PLCB1: variants seen among roughly 807,000 people sequenced by gnomAD.
PLCB1 encodes phospholipase C beta 1, also known as 1-phosphatidylinositol 4,5-bisphosphate phosphodiesterase beta-1.
PLCB1 carries 46 observed loss-of-function variants against 161.8 expected under a neutral mutation model. That is an observed-to-expected ratio of 0.28 (90% CI 0.22 to 0.36). The LOEUF (loss-of-function observed/expected upper bound fraction) is 0.36, where lower values mean the gene tolerates loss of function less well. PLCB1 is among the 10% of genes least tolerant of loss of function. The probability of loss-of-function intolerance (pLI) is 1.00; values close to 1 mark genes in which losing one functional copy is unlikely to be tolerated. For missense variants in PLCB1, 1,016 were observed against 1,472.5 expected (o/e 0.69, Z 5.07); for synonymous variants, 517 against 503.7 (o/e 1.03, Z -0.35).
At chr20:8,816,660 A>G (rs1985099845) in intron 31 of PLCB1, among the ~76,000 whole-genome samples, 1 of 152,254 alleles carries the variant, frequency 6.6e-6, no homozygotes, top group Non-Finnish European at 1.5e-5. Flanking sequence ...ATTTCTGGAC[A>G]TCTACATACC....
intron 31 of PLCB1, among the ~76,000 whole-genome samples, chr20:8,876,683 A>G (rs1987791683): frequency 1.3e-5 from 2 of 152,202 alleles, no homozygotes; most frequent in South Asian, 2.1e-4. Context: ...AGGCTTGTTC[A>G]TGCCTGTGTT....
At chr20:8,621,336 G>A (rs926852145) in intron 3 of PLCB1, among the ~76,000 whole-genome samples, 3 of 151,960 alleles carry the variant, frequency 2.0e-5, no homozygotes, top group Admixed American at 6.5e-5. Context: ...AAGACTGGGG[G>A]GATAGTTTAA....
intron 31 of PLCB1, among the ~76,000 whole-genome samples, chr20:8,832,897 G>C (rs6516411): frequency 0.29 from 43,962 of 152,090 alleles, 6,519 homozygotes; most frequent in Middle Eastern, 0.41. Context: ...CCTCATGTCG[G>C]CAGCTGGACA....
chr20:8,391,701 G>A (rs974612361), intron 3 of PLCB1, among the ~76,000 whole-genome samples: 1 of 147,758 alleles, frequency 6.8e-6, no homozygotes, highest in Non-Finnish European at 1.5e-5. Flanking sequence ...CTTCCCTATG[G>A]GCCTTAAGTT....
At chr20:8,615,677 A>T (rs13043653) in intron 3 of PLCB1, among the ~76,000 whole-genome samples, 111 of 152,304 alleles carry the variant, frequency 7.3e-4, no homozygotes, top group Non-Finnish European at 1.3e-3. Context: ...AAATTTCAGA[A>T]TTAAAGAACA....
chr20:8,149,072 T>TA (rs2051483053), intron 1 of PLCB1, among the ~76,000 whole-genome samples: 1 of 152,194 alleles, frequency 6.6e-6, no homozygotes, highest in African/African-American at 2.4e-5. Flanking sequence ...AATGTTATGT[T>TA]CTGTATATTT....
In PLCB1 at chr20:8,729,269, C is replaced by A; in HGVS notation, c.1888+95C>A. 6 of 1,152,992 alleles carry A rather than the reference C, an allele frequency of 5.2e-6. No individual in the cohort carries two copies. The Middle Eastern group carries it at 1.1e-3, about 204-fold the overall frequency. 71.4% of individuals were successfully genotyped at this position (1,152,992 alleles called of 1,614,324 possible). On this transcript the variant is annotated intron_variant, in intron 18 of 31. Transcript: ENST00000338037. ...AATTGGGGGAGAGAAAATTGCCAGACTTCACTGAAAAAATAAATAAAAGCA... is the reference window on the plus strand; with the variant it reads ...AATTGGGGGAGAGAAAATTGCCAGAATTCACTGAAAAAATAAATAAAAGCA...
chr20:8,679,468 T>C (rs1990163310), intron 9 of PLCB1, among the ~76,000 whole-genome samples: 2 of 152,160 alleles, frequency 1.3e-5, no homozygotes, highest in Admixed American at 6.5e-5. Flanking sequence ...GCCCAGTAAA[T>C]ACTCAAGGGC....
chr20:8,716,200 A>G (rs1254947131), intron 12 of PLCB1, 64 bp from the exon 13 acceptor site: 4 of 1,202,108 alleles, frequency 3.3e-6, no homozygotes, highest in East Asian at 2.3e-5. Context: ...ACACAAAGCA[A>G]TCCTGTTCAG....
chr20:8,478,329 A>G (rs1982365536), intron 3 of PLCB1, among the ~76,000 whole-genome samples: 1 of 152,194 alleles, frequency 6.6e-6, no homozygotes, highest in African/African-American at 2.4e-5. Flanking sequence ...TTGAAAAAGC[A>G]TAACATGGGA....
At chr20:8,483,874 G>T (rs1349271046) in intron 3 of PLCB1, among the ~76,000 whole-genome samples, 1 of 152,166 alleles carries the variant, frequency 6.6e-6, no homozygotes, top group African/African-American at 2.4e-5. Context: ...TAAAATAAAT[G>T]TTGGTACTCT....
At chr20:8,422,724 G>A (rs1252417778) in intron 3 of PLCB1, among the ~76,000 whole-genome samples, 1 of 152,108 alleles carries the variant, frequency 6.6e-6, no homozygotes, top group Non-Finnish European at 1.5e-5. Flanking sequence ...TTTATGGGAG[G>A]GAATAGCCAT....
At chr20:8,620,426 G>C (rs1229455108) in intron 3 of PLCB1, among the ~76,000 whole-genome samples, 8 of 151,924 alleles carry the variant, frequency 5.3e-5, no homozygotes. Flanking sequence ...GACAGAGCCG[G>C]AACTCAAAGC....
intron 19 of PLCB1, among the ~76,000 whole-genome samples, chr20:8,734,129 C>T (rs868050971): frequency 2.4e-5 from 1 of 41,702 alleles, no homozygotes. Context: ...GAGCGAGACT[C>T]TGTCTCAAAA....
intron 3 of PLCB1, among the ~76,000 whole-genome samples, chr20:8,449,148 A>C (rs1980963462): frequency 6.6e-6 from 1 of 152,252 alleles, no homozygotes; most frequent in South Asian, 2.1e-4. Flanking sequence ...AGAAAATAAA[A>C]ACAACTTATA....
chr20:8,622,898 C>T (rs534827315), intron 3 of PLCB1, among the ~76,000 whole-genome samples: 50 of 152,036 alleles, frequency 3.3e-4, no homozygotes, highest in Admixed American at 7.9e-4. Flanking sequence ...AACCTAATAG[C>T]TCAGGCAATG....
chr20:8,719,666 A>C (rs952591965), intron 14 of PLCB1, among the ~76,000 whole-genome samples: 1 of 152,206 alleles, frequency 6.6e-6, no homozygotes, highest in East Asian at 1.9e-4. Context: ...AGCAACCAGC[A>C]GGGAGCCCAA....
At chr20:8,758,388 C>A (rs968299692) in intron 24 of PLCB1, among the ~76,000 whole-genome samples, 1 of 151,996 alleles carries the variant, frequency 6.6e-6, no homozygotes, top group African/African-American at 2.4e-5. Context: ...CAGGACCAAC[C>A]TGGCCAACAT....
At chr20:8,302,516 G>A (rs1983956299) in intron 2 of PLCB1, among the ~76,000 whole-genome samples, 1 of 152,156 alleles carries the variant, frequency 6.6e-6, no homozygotes. Flanking sequence ...TCTAATGTCA[G>A]GAATCAGTGT....
Sources: gnomAD v4.1 joint callset for allele counts (sites outside exome capture counted in the v4.1 genomes callset) on GRCh38, gnomAD v4.1.1 for gene constraint, MANE v1.5 for transcripts, NCBI Gene and HGNC (gene_info 2026-07-23, HGNC 2026-07-21) for gene names.